FAM13A: variants seen among roughly 807,000 people sequenced by gnomAD.
The protein encoded by FAM13A is protein FAM13A.
In FAM13A, 76 loss-of-function variants were observed where a neutral mutation model predicts 129.6. The ratio of observed to expected loss-of-function variants is 0.59; its 90% CI spans 0.49 to 0.71. FAM13A has a LOEUF of 0.71. Among genes scored for constraint, FAM13A ranks in the 30% least tolerant of loss-of-function variants. The probability of loss-of-function intolerance (pLI) is 0.00; values close to 1 mark genes in which losing one functional copy is unlikely to be tolerated. For synonymous variants in FAM13A, 443 were observed against 449.9 expected (o/e 0.98, Z 0.20); for missense variants, 1,108 against 1,249.3 (o/e 0.89, Z 1.70).
intron 16 of FAM13A, among the ~76,000 whole-genome samples, chr4:88,749,479 T>G (rs1553961274): frequency 2.6e-5 from 4 of 152,212 alleles, no homozygotes; most frequent in Non-Finnish European, 5.9e-5. Flanking sequence ...TAAATTTTAG[T>G]CAAACAAAGG....
intron 23 of FAM13A, among the ~76,000 whole-genome samples, chr4:88,730,955 C>T (rs1460075502): frequency 1.3e-5 from 2 of 152,202 alleles, no homozygotes; most frequent in African/African-American, 2.4e-5. Context: ...TGTGCCACTA[C>T]GGCCGCTTGG....
chr4:88,861,889 A>G (rs1561189234), intron 6 of FAM13A, among the ~76,000 whole-genome samples: 1 of 152,254 alleles, frequency 6.6e-6, no homozygotes, highest in Non-Finnish European at 1.5e-5. Context: ...GAACAGAGAT[A>G]CAGAAAATTT....
intron 6 of FAM13A, among the ~76,000 whole-genome samples, chr4:88,856,878 T>C (rs898219633): frequency 1.3e-5 from 2 of 152,156 alleles, no homozygotes; most frequent in Admixed American, 6.5e-5. Flanking sequence ...AGATGCTTAG[T>C]TCTGAATTTA....
chr4:88,823,837 C>T (rs373472846), intron 7 of FAM13A, among the ~76,000 whole-genome samples: 1 of 152,148 alleles, frequency 6.6e-6, no homozygotes, highest in East Asian at 1.9e-4. Context: ...GGGGAGGATA[C>T]GTGCCCTAAG....
chr4:88,771,231 G>A (rs1335487808), intron 11 of FAM13A, among the ~76,000 whole-genome samples: 1 of 150,504 alleles, frequency 6.6e-6, no homozygotes, highest in Non-Finnish European at 1.5e-5. Flanking sequence ...TATTTCCATG[G>A]GCACAATACA....
At chr4:88,955,258 T>TTG (rs1345163786) in intron 4 of FAM13A, among the ~76,000 whole-genome samples, 1 of 152,188 alleles carries the variant, frequency 6.6e-6, no homozygotes, top group African/African-American at 2.4e-5. Flanking sequence ...CCCTTCAGTT[T>TTG]TGATAACAAC....
intron 4 of FAM13A, among the ~76,000 whole-genome samples, chr4:88,955,630 G>C (rs1579480615): frequency 6.6e-6 from 1 of 152,150 alleles, no homozygotes; most frequent in East Asian, 1.9e-4. Context: ...GAGACTTATT[G>C]GATGGCTTTG....
At chr4:88,852,034 G>T (rs1051835704) in intron 6 of FAM13A, among the ~76,000 whole-genome samples, 1 of 152,114 alleles carries the variant, frequency 6.6e-6, no homozygotes, top group Admixed American at 6.6e-5. Context: ...TTTTTCCCAT[G>T]CTTGTCCTTA....
At chr4:89,037,021 G>A (rs1373834595) in intron 1 of FAM13A, among the ~76,000 whole-genome samples, 1 of 152,208 alleles carries the variant, frequency 6.6e-6, no homozygotes, top group African/African-American at 2.4e-5. Context: ...CCTCTACTAG[G>A]GCAATGCAGA....
intron 1 of FAM13A, among the ~76,000 whole-genome samples, chr4:89,052,351 C>T (rs568142289): frequency 2.0e-5 from 3 of 149,940 alleles, no homozygotes; most frequent in African/African-American, 7.4e-5. Flanking sequence ...GGTACATGTG[C>T]ACAATGTGCA....
chr4:88,839,815 C>T (rs72872131), intron 7 of FAM13A, among the ~76,000 whole-genome samples: 10,669 of 152,182 alleles, frequency 0.07, 529 homozygotes, highest in African/African-American at 0.14. Flanking sequence ...TAAATCTGCC[C>T]CCCAACGTTG....
chr4:88,781,373 A>C (rs1277122188), intron 10 of FAM13A, 22 bp from the exon 11 acceptor site: 1 of 1,533,124 alleles, frequency 6.5e-7, no homozygotes, highest in Non-Finnish European at 8.9e-7. Flanking sequence ...AAAAAAGCTT[A>C]ATTTTATTTT....
At chr4:88,863,923 C>A (rs1026484523) in intron 6 of FAM13A, among the ~76,000 whole-genome samples, 1 of 151,976 alleles carries the variant, frequency 6.6e-6, no homozygotes, top group Non-Finnish European at 1.5e-5. Context: ...CAAACAAGTT[C>A]AAATTCAAAC....
At chr4:88,974,012 C>A in intron 4 of FAM13A, among the ~76,000 whole-genome samples, 1 of 152,136 alleles carries the variant, frequency 6.6e-6, no homozygotes, top group East Asian at 1.9e-4. Context: ...TCGAAGGCAA[C>A]CCTTTAAGAG....
At chr4:88,988,988 A>G (rs1762600959) in intron 4 of FAM13A, among the ~76,000 whole-genome samples, 1 of 151,758 alleles carries the variant, frequency 6.6e-6, no homozygotes, top group African/African-American at 2.4e-5. Context: ...CGGGAGGATC[A>G]CTCGAGGTCA....
chr4:88,823,119 T>G, intron 7 of FAM13A: 1 of 1,536,198 alleles, frequency 6.5e-7, no homozygotes. Context: ...GGCATGAGGC[T>G]GCACCGCACG....
rs560798520 is a variant in FAM13A, at chr4:88,763,121, A to C, written c.1579-4220T>G. On this transcript the variant is annotated intron_variant, in intron 13 of 23. Transcript: ENST00000264344. Reference sequence around the variant, plus strand: ...CTAGCTCCAAGACTTTCAGTGAGTAAATTTCTTTGAACTTCAGCTTTTTTG... The same window carrying C: ...CTAGCTCCAAGACTTTCAGTGAGTACATTTCTTTGAACTTCAGCTTTTTTG... 6.6e-5 allele frequency among the ~76,000 whole-genome samples: 10 copies of C among 152,290 alleles called. No homozygotes were observed. In the East Asian group the frequency reaches 1.9e-3, roughly 29 times the overall value.
chr4:89,050,090 A>G lies in FAM13A; in HGVS notation c.27+6848T>C, dbSNP rs529824519. 1.2e-4 allele frequency among the ~76,000 whole-genome samples: 19 copies of G among 152,356 alleles called. No homozygotes were observed. In the South Asian group the frequency reaches 3.9e-3, roughly 32 times the overall value. On this transcript the variant is annotated intron_variant, in intron 1 of 23. Transcript: ENST00000264344. ...GGTCAGATATTACCTAAAATCTATC[A>G]AGACAGCACCACACTGCTTACTAAT...
intron 11 of FAM13A, among the ~76,000 whole-genome samples, chr4:88,774,237 T>C (rs1292321881): frequency 1.3e-5 from 2 of 152,218 alleles, no homozygotes; most frequent in Non-Finnish European, 2.9e-5. Context: ...CTCTTACCAC[T>C]TTCCATCCTC....
Sources: allele counts gnomAD v4.1 joint callset (sites outside exome capture counted in the v4.1 genomes callset), GRCh38; gene constraint gnomAD v4.1.1; transcripts MANE v1.5; gene names NCBI Gene and HGNC (gene_info 2026-07-23, HGNC 2026-07-21).